The following SPNS3 variants were observed in gnomAD, a reference collection of about 807,000 sequenced individuals.
SPNS3 encodes the protein SPNS lysolipid transporter 3, sphingosine-1-phosphate (putative).
Under a neutral mutation model 54.4 loss-of-function variants are expected in SPNS3, and 51 were observed. That is an observed-to-expected ratio of 0.94 (90% confidence interval 0.75 to 1.18). SPNS3 has a LOEUF of 1.18. SPNS3 is among the 50% of genes most tolerant of loss of function. SPNS3 has a pLI of 0.00. For synonymous variants in SPNS3, 309 were observed against 294.7 expected (o/e 1.05, Z -0.50); for missense variants, 669 against 677.4 (o/e 0.99, Z 0.14).
intron 8 of SPNS3, among the ~76,000 whole-genome samples, chr17:4,463,354 G>A (rs932870496): frequency 3.4e-5 from 5 of 146,744 alleles, no homozygotes; most frequent in African/African-American, 1.3e-4. Context: ...CCGAGATTGC[G>A]CCACTGCACT....
intron 8 of SPNS3, among the ~76,000 whole-genome samples, chr17:4,465,452 G>T (rs1156325272): frequency 6.6e-6 from 1 of 152,110 alleles, no homozygotes; most frequent in Admixed American, 6.6e-5. Flanking sequence ...TCTAGGCCAT[G>T]CGCAGTGGCT....
At chr17:4,472,538 C>A (rs1971881493) in intron 8 of SPNS3, among the ~76,000 whole-genome samples, 1 of 152,174 alleles carries the variant, frequency 6.6e-6, no homozygotes, top group South Asian at 2.1e-4. Context: ...TGGATGCATT[C>A]CCTTCTGAGA....
intron 8 of SPNS3, among the ~76,000 whole-genome samples, chr17:4,468,527 T>C (rs2144151891): frequency 6.7e-6 from 1 of 149,672 alleles, no homozygotes; most frequent in Middle Eastern, 3.4e-3. Flanking sequence ...GTTTTTGCCC[T>C]GAGCAGCTAG....
At position 4,478,638 on chromosome 17, in the gene SPNS3, G is replaced by C. The variant is rs767822900; in HGVS notation, c.1179+1G>C. 5.9e-5 allele frequency: 93 copies of C among 1,585,644 alleles called. No homozygotes were observed. The highest frequency in any genetic ancestry group is 2.2e-5 in the Non-Finnish European group (26 of 1,165,816). On this transcript the variant is annotated splice_donor_variant, in intron 9 of 11. Transcript: ENST00000355530. LOFTEE classifies it high-confidence loss of function. ...GGCAGTGGTTGCCGACATCCTGCTG[G>C]TAGGTGTGGGAGTCGGGGTGGTGGG...
chr17:4,440,370 A>G (rs1970818609), intron 2 of SPNS3, among the ~76,000 whole-genome samples: 1 of 152,186 alleles, frequency 6.6e-6, no homozygotes, highest in African/African-American at 2.4e-5. Context: ...GCCTGTGCAC[A>G]CACCCAGGCT....
At chr17:4,443,144 C>G (rs1408271189) in intron 2 of SPNS3, among the ~76,000 whole-genome samples, 1 of 151,982 alleles carries the variant, frequency 6.6e-6, no homozygotes, top group Non-Finnish European at 1.5e-5. Context: ...GATCTCAGCT[C>G]ACTGCAACCT....
chr17:4,450,853 C>T (rs1759468683), intron 7 of SPNS3, among the ~76,000 whole-genome samples: 1 of 151,062 alleles, frequency 6.6e-6, no homozygotes, highest in African/African-American at 2.4e-5. Context: ...AATGACTGGC[C>T]CGCCTCAGCC....
At chr17:4,434,203 G>A in intron 1 of SPNS3, 37 bp downstream of exon 1, 1 of 1,561,664 alleles carries the variant, frequency 6.4e-7, no homozygotes, top group Non-Finnish European at 8.7e-7. Context: ...AGTACCTGCT[G>A]CTGTGCCCAC....
At chr17:4,452,540 C>T (rs1395380235) in intron 7 of SPNS3, among the ~76,000 whole-genome samples, 1 of 151,916 alleles carries the variant, frequency 6.6e-6, no homozygotes, top group East Asian at 1.9e-4. Flanking sequence ...TGTAGAGAGC[C>T]CAGACAAGGG....
intron 8 of SPNS3, among the ~76,000 whole-genome samples, chr17:4,456,253 A>G (rs539365906): frequency 6.6e-6 from 1 of 152,140 alleles, no homozygotes; most frequent in Non-Finnish European, 1.5e-5. Flanking sequence ...CGCCTGGTCA[A>G]GAGCAGAACT....
intron 8 of SPNS3, among the ~76,000 whole-genome samples, chr17:4,471,215 T>C (rs1057193588): frequency 6.6e-6 from 1 of 152,108 alleles, no homozygotes; most frequent in African/African-American, 2.4e-5. Flanking sequence ...TGAGCCACTG[T>C]GCCTGGCCAC....
chr17:4,471,835 T>C (rs908721801), intron 8 of SPNS3, among the ~76,000 whole-genome samples: 5 of 151,492 alleles, frequency 3.3e-5, no homozygotes, highest in Non-Finnish European at 7.4e-5. Flanking sequence ...CTGCTCCTTC[T>C]CTTATCACCT....
chr17:4,471,193 G>A (rs1246195557), intron 8 of SPNS3, among the ~76,000 whole-genome samples: 1 of 152,108 alleles, frequency 6.6e-6, no homozygotes, highest in African/African-American at 2.4e-5. Context: ...CAAAGTGCTG[G>A]GATTACAGGC....
chr17:4,457,427 C>T (rs773208307), intron 8 of SPNS3, among the ~76,000 whole-genome samples: 4 of 152,212 alleles, frequency 2.6e-5, no homozygotes, highest in Non-Finnish European at 4.4e-5. Context: ...TCCAACTTGG[C>T]CGTGACGCCT....
At chr17:4,449,181 G>A (rs1597311610) in intron 6 of SPNS3, 54 bp from the exon 7 acceptor site, 1 of 1,582,548 alleles carries the variant, frequency 6.3e-7, no homozygotes, top group Non-Finnish European at 8.5e-7. Context: ...GAGTGGACAG[G>A]CCCCTTCAGC....
At chr17:4,450,488 G>A (rs1009630422) in intron 7 of SPNS3, among the ~76,000 whole-genome samples, 7 of 150,608 alleles carry the variant, frequency 4.6e-5, no homozygotes, top group Admixed American at 1.3e-4. Context: ...AACACAGTTC[G>A]CTGCAGCCTC....
chr17:4,463,949 C>G (rs1036263572), intron 8 of SPNS3, among the ~76,000 whole-genome samples: 1 of 152,176 alleles, frequency 6.6e-6, no homozygotes, highest in Non-Finnish European at 1.5e-5. Flanking sequence ...GTGGGACGTG[C>G]CTGTGTGCAC....
In SPNS3 at chr17:4,453,205, TGTAA is replaced by T. The variant is rs759329093; in HGVS notation, c.1113+3_1113+6del. On this transcript the variant is annotated splice_donor_variant and splice_donor_region_variant and intron_variant, in intron 8 of 11. Coordinates refer to ENST00000355530, the MANE Select transcript of SPNS3 (RefSeq NM_182538.5). LOFTEE classifies it high-confidence loss of function. ...CCCCGACCACCCTGCTGGCCTCCTA[TGTAA>T]GTGAGAGCCTCTATGGAGGTGGGGA... 99 of 1,611,394 alleles carry T rather than the reference TGTAA, an allele frequency of 6.1e-5. No homozygotes were observed. The highest frequency in any genetic ancestry group is 8.1e-5 in the Non-Finnish European group (95 of 1,179,040).
At chr17:4,480,328 C>T (rs1045281480) in intron 9 of SPNS3, among the ~76,000 whole-genome samples, 5 of 152,262 alleles carry the variant, frequency 3.3e-5, no homozygotes, top group African/African-American at 1.2e-4. Flanking sequence ...TAATCACCAC[C>T]TGCCCGGTAG....
Sources: allele counts gnomAD v4.1 joint callset (sites outside exome capture counted in the v4.1 genomes callset), GRCh38; gene constraint gnomAD v4.1.1; transcripts MANE v1.5; gene names NCBI Gene and HGNC (gene_info 2026-07-23, HGNC 2026-07-21).